GLRB: variants seen among roughly 807,000 people sequenced by gnomAD.
GLRB encodes the protein glycine receptor subunit beta.
Under a neutral mutation model 54.2 loss-of-function variants are expected in GLRB, and 33 were observed. The ratio of observed to expected loss-of-function variants is 0.61; its 90% CI spans 0.46 to 0.81. GLRB has a LOEUF of 0.81. Among genes scored for constraint, GLRB ranks in the 40% least tolerant of loss-of-function variants. The probability of loss-of-function intolerance (pLI) is 0.00; values close to 1 mark genes in which losing one functional copy is unlikely to be tolerated. For missense variants in GLRB, 572 were observed against 584.6 expected, an observed-to-expected ratio of 0.98 and a Z score of 0.22; for synonymous variants, 209 against 208.2, an observed-to-expected ratio of 1.00 and a Z score of -0.03.
intron 2 of GLRB, among the ~76,000 whole-genome samples, chr4:157,101,525 C>T (rs1735024506): frequency 6.6e-6 from 1 of 152,092 alleles, no homozygotes; most frequent in Non-Finnish European, 1.5e-5. Flanking sequence ...CCACTTCTCC[C>T]CTCCTTACAA....
chr4:157,110,533 G>T (rs926751393), intron 2 of GLRB, among the ~76,000 whole-genome samples: 4 of 151,940 alleles, frequency 2.6e-5, no homozygotes, highest in East Asian at 1.9e-4. Context: ...TTTGTGTATT[G>T]TTCTCCTGAG....
At chr4:157,088,212 A>G (rs1242686441) in intron 2 of GLRB, among the ~76,000 whole-genome samples, 3 of 152,142 alleles carry the variant, frequency 2.0e-5, no homozygotes, top group Non-Finnish European at 4.4e-5. Flanking sequence ...AACCTAATAC[A>G]AAAGGCTTAC....
chr4:157,084,242 T>C (rs963878189), intron 2 of GLRB, among the ~76,000 whole-genome samples: 14 of 152,320 alleles, frequency 9.2e-5, no homozygotes, highest in African/African-American at 3.4e-4. Context: ...TTTTTGCCAC[T>C]ACCGTTAGAG....
chr4:157,129,120 T>G (rs112121215), intron 4 of GLRB, among the ~76,000 whole-genome samples: 30 of 151,948 alleles, frequency 2.0e-4, no homozygotes, highest in Non-Finnish European at 3.5e-4. Context: ...TTAATTTGGG[T>G]GTTAATTGGT....
chr4:157,151,526 T>A (rs1389440765), intron 8 of GLRB, among the ~76,000 whole-genome samples: 3 of 152,112 alleles, frequency 2.0e-5, no homozygotes, highest in Admixed American at 6.6e-5. Flanking sequence ...CTTATCAAGT[T>A]GTTATATATT....
intron 8 of GLRB, among the ~76,000 whole-genome samples, chr4:157,151,710 C>T (rs1279217139): frequency 6.6e-6 from 1 of 151,882 alleles, no homozygotes; most frequent in Non-Finnish European, 1.5e-5. Context: ...TTTGTAATTT[C>T]ATGGGAAGGG....
chr4:157,082,828 C>G, intron 2 of GLRB, among the ~76,000 whole-genome samples: 1 of 151,958 alleles, frequency 6.6e-6, no homozygotes, highest in East Asian at 1.9e-4. Flanking sequence ...TGAGATAGGT[C>G]TAACACTGTT....
intron 4 of GLRB, among the ~76,000 whole-genome samples, chr4:157,123,419 C>T (rs1735904678): frequency 6.6e-6 from 1 of 151,514 alleles, no homozygotes; most frequent in South Asian, 2.1e-4. Flanking sequence ...TTAATGACAC[C>T]TATTTTTAAA....
At chr4:157,099,583 G>A (rs1455104910) in intron 2 of GLRB, among the ~76,000 whole-genome samples, 9 of 152,000 alleles carry the variant, frequency 5.9e-5, no homozygotes, top group Admixed American at 4.6e-4. Flanking sequence ...TGATCTGCCC[G>A]CCTTGGCCTC....
At chr4:157,144,452 G>A (rs990491754) in intron 8 of GLRB, among the ~76,000 whole-genome samples, 3 of 152,114 alleles carry the variant, frequency 2.0e-5, no homozygotes, top group Non-Finnish European at 4.4e-5. Flanking sequence ...TCCCTTGAGG[G>A]CCATTGCTCT....
At chr4:157,134,949 A>C (rs933725898) in intron 4 of GLRB, among the ~76,000 whole-genome samples, 1 of 152,166 alleles carries the variant, frequency 6.6e-6, no homozygotes, top group Admixed American at 6.6e-5. Flanking sequence ...CATATGAAGC[A>C]TATGAAAGCA....
Position 157,152,758 on chromosome 4 carries a change from C to G in GLRB, c.945C>G (p.Thr315=), listed in dbSNP as rs747493770. The change falls in exon 9 of 10, where the codon ACC becomes ACG. Residue 315 remains threonine, a synonymous_variant. Transcript: ENST00000264428. ...SVLSLASECT[T]LAAELPKVSY... The stretch of plus-strand genomic sequence containing the variant: ...TCAGCTTGGCCTCTGAGTGCACAAC[C>G]CTTGCCGCTGAGCTTCCCAAAGTTT... 1.9e-6 allele frequency: 3 copies of G among 1,613,628 alleles called. No individual in the cohort carries two copies.
chr4:157,152,681 T>A, intron 8 of GLRB, 37 bp from the exon 9 acceptor site: 1 of 1,582,324 alleles, frequency 6.3e-7, no homozygotes, highest in African/African-American at 1.3e-5. Context: ...CTCATAGGGA[T>A]AAAAAGCAAC....
chr4:157,082,887 A>T (rs965209446), intron 2 of GLRB, among the ~76,000 whole-genome samples: 1 of 151,682 alleles, frequency 6.6e-6, no homozygotes, highest in Non-Finnish European at 1.5e-5. Context: ...TAAGTATAGG[A>T]TGAGGAAGAA....
chr4:157,139,024 A>G (rs1736516670), intron 7 of GLRB, 75 bp downstream of exon 7: 3 of 817,938 alleles, frequency 3.7e-6, no homozygotes, highest in Non-Finnish European at 6.2e-6. Flanking sequence ...CCAAGGGGAG[A>G]GTAGAAAAGA....
intron 8 of GLRB, among the ~76,000 whole-genome samples, chr4:157,146,337 G>A (rs1736808575): frequency 6.6e-6 from 1 of 152,044 alleles, no homozygotes; most frequent in South Asian, 2.1e-4. Context: ...TATTCAGCAT[G>A]AAATACAAAG....
chr4:157,104,734 T>C (rs1735158314), intron 2 of GLRB, among the ~76,000 whole-genome samples: 1 of 152,038 alleles, frequency 6.6e-6, no homozygotes, highest in Non-Finnish European at 1.5e-5. Context: ...ATCCCTTTAC[T>C]AGTTAGAAGT....
rs190691096 is a variant in GLRB, at chr4:157,128,469, A to G, written c.297+6072A>G. Among the ~76,000 whole-genome samples the G allele has an allele frequency of 2.3e-4, 35 of 151,998 alleles. No individual in the cohort carries two copies. In the East Asian group the frequency reaches 4.7e-3, roughly 20 times the overall value. Reference sequence around the variant, plus strand: ...TATGAAAAAAATTAATGGTGTGAATAATACTACACAACTTCCTGAACTGAA... The same window carrying G: ...TATGAAAAAAATTAATGGTGTGAATGATACTACACAACTTCCTGAACTGAA... On this transcript the variant is annotated intron_variant, in intron 4 of 9. Transcript: ENST00000264428.
chr4:157,149,496 CT>C (rs1003404483), intron 8 of GLRB, among the ~76,000 whole-genome samples: 60 of 152,052 alleles, frequency 3.9e-4, no homozygotes, highest in African/African-American at 1.4e-3. Flanking sequence ...AAAGGGAATA[CT>C]TTTTTTAACA....
Sources: allele counts gnomAD v4.1 joint callset (sites outside exome capture counted in the v4.1 genomes callset), GRCh38; gene constraint gnomAD v4.1.1; transcripts MANE v1.5; gene names NCBI Gene and HGNC (gene_info 2026-07-23, HGNC 2026-07-21).